Variants in CNTN3 observed in about 807,000 individuals in gnomAD.
CNTN3 encodes the protein contactin-3.
A neutral mutation model predicts 119.1 loss-of-function variants in CNTN3; 60 were observed. The observed-to-expected ratio is 0.50, with a 90% CI of 0.41 to 0.62. The LOEUF is 0.62. Among genes scored for constraint, CNTN3 ranks in the 20% least tolerant of loss-of-function variants. The probability of loss-of-function intolerance (pLI) is 0.00; values close to 1 mark genes in which losing one functional copy is unlikely to be tolerated. For synonymous variants in CNTN3, 450 were observed against 438.7 expected (o/e 1.03, Z -0.32); for missense variants, 1,101 against 1,242.4 (o/e 0.89, Z 1.71).
chr3:74,333,824 CA>C (rs1305530225), intron 13 of CNTN3, among the ~76,000 whole-genome samples: 1 of 152,142 alleles, frequency 6.6e-6, no homozygotes, highest in Non-Finnish European at 1.5e-5. Flanking sequence ...GTCAAATGAA[CA>C]CAGTTGAGTT....
chr3:74,357,366 C>T (rs1371485094), intron 11 of CNTN3, among the ~76,000 whole-genome samples: 1 of 152,104 alleles, frequency 6.6e-6, no homozygotes, highest in Non-Finnish European at 1.5e-5. Context: ...TCAACGCAAC[C>T]TCTGCCTCCC....
chr3:74,290,273 A>G (rs1702199196), intron 19 of CNTN3, among the ~76,000 whole-genome samples: 1 of 152,232 alleles, frequency 6.6e-6, no homozygotes, highest in African/African-American at 2.4e-5. Flanking sequence ...ACAGCATGTT[A>G]CTGTACTGAA....
At chr3:74,508,284 G>A (rs1703300971) in intron 2 of CNTN3, among the ~76,000 whole-genome samples, 1 of 152,062 alleles carries the variant, frequency 6.6e-6, no homozygotes, top group Non-Finnish European at 1.5e-5. Context: ...TTTGCCTTCT[G>A]CCATGATTGT....
rs925229604 is a variant in CNTN3, at chr3:74,297,951, C to T, written c.2401+6G>A. ...CGGAACTGATATACAGTCATGTTTT[C>T]CATACCTTCTTCTGCAGAGAACACT... On this transcript the variant is annotated splice_donor_region_variant and intron_variant, in intron 18 of 22. Transcript: ENST00000263665. 6.2e-7 allele frequency: 1 copy of T among 1,604,280 alleles called. No homozygotes were observed. Among genetic ancestry groups the T allele is most frequent in the African/African-American group, 1.3e-5 (1 of 74,692 alleles).
At chr3:74,296,395 C>T (rs1177581459) in intron 18 of CNTN3, among the ~76,000 whole-genome samples, 1 of 152,078 alleles carries the variant, frequency 6.6e-6, no homozygotes, top group Non-Finnish European at 1.5e-5. Flanking sequence ...TCCCCAGACC[C>T]CTGACTTGCC....
In CNTN3 at chr3:74,295,395, C is replaced by T. The variant is rs376957297; in HGVS notation, c.2402-159G>A. Among the ~76,000 whole-genome samples the T allele has an allele frequency of 5.3e-5, 8 of 152,160 alleles. No individual in the cohort carries two copies. The East Asian group carries it at 7.7e-4, about 15-fold the overall frequency. On this transcript the variant is annotated intron_variant, in intron 18 of 22. Coordinates refer to ENST00000263665, the MANE Select transcript of CNTN3 (RefSeq NM_020872.3). Reference sequence around the variant, plus strand: ...GAAAATAGAGACACTGGTCCATTTCCGTTTCTTAGGAAAAGATGGCATCAT... The same window carrying T: ...GAAAATAGAGACACTGGTCCATTTCTGTTTCTTAGGAAAAGATGGCATCAT...
At chr3:74,556,788 C>T (rs984572086) in intron 1 of CNTN3, among the ~76,000 whole-genome samples, 2 of 152,160 alleles carry the variant, frequency 1.3e-5, no homozygotes, top group African/African-American at 2.4e-5. Context: ...TCTCCTCATC[C>T]TTGTCAACAT....
At chr3:74,326,360 C>T (rs1703130360) in intron 13 of CNTN3, among the ~76,000 whole-genome samples, 1 of 151,922 alleles carries the variant, frequency 6.6e-6, no homozygotes, top group Admixed American at 6.6e-5. Context: ...ATTAATTGTA[C>T]ATATTTATGC....
chr3:74,471,229 G>T (rs1453033674), intron 4 of CNTN3, among the ~76,000 whole-genome samples: 2 of 152,082 alleles, frequency 1.3e-5, no homozygotes, highest in South Asian at 2.1e-4. Context: ...AACATTAGGA[G>T]AAATACCTAA....
chr3:74,329,718 T>C (rs1223439078), intron 13 of CNTN3, among the ~76,000 whole-genome samples: 1 of 152,234 alleles, frequency 6.6e-6, no homozygotes, highest in Non-Finnish European at 1.5e-5. Context: ...CGATGGATGC[T>C]AAGCTCTATT....
At position 74,359,692 on chromosome 3, in the gene CNTN3, T is replaced by A. The variant is rs1319037731; in HGVS notation, c.1364+2198A>T. Among the ~76,000 whole-genome samples, 6 of 152,316 alleles carry A rather than the reference T, an allele frequency of 3.9e-5. No homozygotes were observed. In the East Asian group the frequency reaches 1.2e-3, roughly 29 times the overall value. ...GTGTATCACTAGCTAAATCTCTTAA[T>A]CTTTTTATCCCCTTTAAAAATTAAG... is the stretch of plus-strand genomic sequence containing the variant. On this transcript the variant is annotated intron_variant, in intron 11 of 22. Coordinates refer to ENST00000263665, the MANE Select transcript of CNTN3 (RefSeq NM_020872.3).
chr3:74,457,955 A>T (rs900349057), intron 4 of CNTN3, among the ~76,000 whole-genome samples: 12 of 152,046 alleles, frequency 7.9e-5, no homozygotes, highest in African/African-American at 2.9e-4. Context: ...GTCTCTGATG[A>T]GTTTACCCTG....
intron 1 of CNTN3, among the ~76,000 whole-genome samples, chr3:74,553,769 T>C (rs1438028119): frequency 6.6e-6 from 1 of 152,156 alleles, no homozygotes; most frequent in East Asian, 1.9e-4. Context: ...GGTTGTTTGG[T>C]TTTTTTCTTG....
chr3:74,391,557 C>CTTTTTTTTTTTTTTTTTTTTT (rs554976641), intron 5 of CNTN3, among the ~76,000 whole-genome samples: 8 of 87,022 alleles, frequency 9.2e-5, no homozygotes, highest in African/African-American at 3.7e-4. Flanking sequence ...CCCATAGTTT[C>CTTTTTTTTTTTTTTTTTTTTT]TTTTTTTTTT....
chr3:74,493,292 T>C (rs1186073760), intron 3 of CNTN3, among the ~76,000 whole-genome samples: 1 of 152,066 alleles, frequency 6.6e-6, no homozygotes, highest in Non-Finnish European at 1.5e-5. Flanking sequence ...CTAGGCAATA[T>C]CACAACTTGA....
intron 1 of CNTN3, among the ~76,000 whole-genome samples, chr3:74,526,250 A>T (rs1013676300): frequency 6.6e-6 from 1 of 151,606 alleles, no homozygotes; most frequent in Non-Finnish European, 1.5e-5. Flanking sequence ...ACCGACATTT[A>T]TTATAGTAAA....
chr3:74,368,674 C>T (rs974588428), intron 8 of CNTN3, among the ~76,000 whole-genome samples: 2 of 151,818 alleles, frequency 1.3e-5, no homozygotes, highest in African/African-American at 4.8e-5. Context: ...AAAGTGATTG[C>T]AAATTAAAGG....
intron 1 of CNTN3, among the ~76,000 whole-genome samples, chr3:74,569,348 T>C (rs1204545095): frequency 2.0e-5 from 3 of 151,526 alleles, no homozygotes; most frequent in African/African-American, 7.3e-5. Context: ...TACCACAGAA[T>C]GGAACAAACT....
chr3:74,364,803 C>A (rs1704152609), intron 9 of CNTN3, among the ~76,000 whole-genome samples: 2 of 152,090 alleles, frequency 1.3e-5, no homozygotes, highest in Admixed American at 6.6e-5. Context: ...GAATTAGCAT[C>A]CTTCAATCCA....
Sources: allele counts gnomAD v4.1 joint callset (sites outside exome capture counted in the v4.1 genomes callset), GRCh38; gene constraint gnomAD v4.1.1; transcripts MANE v1.5; gene names NCBI Gene and HGNC (gene_info 2026-07-23, HGNC 2026-07-21).